The following FMNL3 variants were observed in gnomAD, a reference collection of about 807,000 sequenced individuals.
The protein encoded by FMNL3 is formin-like protein 3.
FMNL3 carries 57 observed loss-of-function variants against 119.6 expected under a neutral mutation model. The observed-to-expected ratio is 0.48, with a 90% CI of 0.39 to 0.59. The LOEUF (loss-of-function observed/expected upper bound fraction) is 0.59, where lower values mean the gene tolerates loss of function less well. FMNL3 is among the 20% of genes least tolerant of loss of function. The probability of loss-of-function intolerance (pLI) is 0.00; values close to 1 mark genes in which losing one functional copy is unlikely to be tolerated. For synonymous variants in FMNL3, 491 were observed against 507.3 expected (o/e 0.97, Z 0.43); for missense variants, 1,053 against 1,323.5 (o/e 0.80, Z 3.17).
chr12:49,641,327 C>CG lies in FMNL3; in HGVS notation c.*4487_*4488insC. 1 of 152,456 alleles carries CG rather than the reference C, an allele frequency of 6.6e-6. No homozygotes were observed. The highest frequency in any genetic ancestry group is 2.4e-5 in the African/African-American group (1 of 41,568). The allele number at this position is 152,456 out of a possible 1,614,324, so 9.4% of individuals were successfully genotyped here. A position where few individuals can be genotyped will look rare whatever the true frequency, so the allele number is the denominator to read the frequency against. ...GACACTTTGGGGATAGAGAGCCCCC[C>CG]CAGGGTAGGGTTCTTGCCCAGCCGT... On this transcript the variant is annotated 3_prime_UTR_variant, in exon 26 of 26. Transcript: ENST00000335154.
chr12:49,645,019 T>A lies in FMNL3; in HGVS notation c.*796A>T, dbSNP rs937326105. ...GGGAGGTGGTACATGTACAAAAAAGTGGGCCCCCACATTCCCTTCCAGGGG... is the reference window on the plus strand; with the variant it reads ...GGGAGGTGGTACATGTACAAAAAAGAGGGCCCCCACATTCCCTTCCAGGGG... On this transcript the variant is annotated 3_prime_UTR_variant, in exon 26 of 26. Coordinates refer to ENST00000335154, the MANE Select transcript of FMNL3 (RefSeq NM_175736.5). The A allele has an allele frequency of 7.2e-6, 1 of 138,700 alleles. No homozygotes were observed. Among genetic ancestry groups the A allele is most frequent in the Admixed American group, 8.1e-5 (1 of 12,324 alleles). The allele number at this position is 138,700 out of a possible 1,614,324, so 8.6% of individuals were successfully genotyped here. A position where few individuals can be genotyped will look rare whatever the true frequency, so the allele number is the denominator to read the frequency against.
intron 1 of FMNL3, among the ~76,000 whole-genome samples, chr12:49,693,461 T>A (rs561915667): frequency 1.3e-5 from 2 of 151,754 alleles, no homozygotes; most frequent in East Asian, 3.9e-4. Context: ...CACTGCAGCC[T>A]CTACCTCCCA....
At chr12:49,688,594 T>C (rs545115654) in intron 1 of FMNL3, 2 of 450,942 alleles carry the variant, frequency 4.4e-6, no homozygotes, top group East Asian at 1.4e-4. Context: ...GATCTTTATA[T>C]ATAGCTATGA....
At position 49,644,310 on chromosome 12, in the gene FMNL3, C is replaced by A. The variant is rs575702827; in HGVS notation, c.*1505G>T. 20 of 1,150,612 alleles carry A rather than the reference C, an allele frequency of 1.7e-5. No individual in the cohort carries two copies. The African/African-American group carries it at 2.9e-4, about 17-fold the overall frequency. 71.3% of individuals were successfully genotyped at this position (1,150,612 alleles called of 1,614,324 possible). A position where few individuals can be genotyped will look rare whatever the true frequency, so the allele number is the denominator to read the frequency against. On this transcript the variant is annotated 3_prime_UTR_variant, in exon 26 of 26. Coordinates refer to ENST00000335154, the MANE Select transcript of FMNL3 (RefSeq NM_175736.5). ...CTGTGTCCACTTTTTCTAAAGTAAC[C>A]CCACCCCCAGCACACCATTGTTGGC...
intron 16 of FMNL3, 120 bp from the exon 17 acceptor site, chr12:49,650,998 C>T (rs1396182603): frequency 3.4e-6 from 5 of 1,478,642 alleles, no homozygotes; most frequent in Non-Finnish European, 2.8e-6. Context: ...TGAATACAAA[C>T]ACAAAGTGTT....
chr12:49,669,356 T>C (rs1282191326), intron 1 of FMNL3, among the ~76,000 whole-genome samples: 3 of 152,226 alleles, frequency 2.0e-5, no homozygotes, highest in African/African-American at 4.8e-5. Context: ...TTTATCTTGT[T>C]CACCACTGTT....
chr12:49,642,723 T>C lies in FMNL3; in HGVS notation c.*3092A>G, dbSNP rs1312781413. 1.3e-6 allele frequency: 2 copies of C among 1,575,436 alleles called. No homozygotes were observed. The highest frequency in any genetic ancestry group is 2.3e-5 in the South Asian group (2 of 87,554). On this transcript the variant is annotated 3_prime_UTR_variant, in exon 26 of 26. Transcript: ENST00000335154. The surrounding 1 kb of genome is among the most constrained non-coding windows in gnomAD (Gnocchi z 5.8). ...ATCTGCCTCAGGCCCTTGAACTCAT[T>C]AGACCAGTTCAACAGAGACCTCAGT...
chr12:49,653,604 C>G, intron 12 of FMNL3, 121 bp downstream of exon 12: 1 of 1,403,712 alleles, frequency 7.1e-7, no homozygotes, highest in Non-Finnish European at 9.8e-7. Flanking sequence ...CTCTTGAGAG[C>G]CCTGGTGGGT....
chr12:49,654,289 T>G lies in FMNL3; in HGVS notation c.974A>C (p.Gln325Pro), dbSNP rs759278933. 1 of 1,613,594 alleles carries G rather than the reference T, an allele frequency of 6.2e-7. No individual in the cohort carries two copies. Among genetic ancestry groups the G allele is most frequent in the Non-Finnish European group, 8.5e-7 (1 of 1,179,770 alleles). ...SNIDFMVACM[Q>P]FINIVVHSVE... is the part of the protein sequence containing the mutation. ...CGAGTGCACCACGATGTTGATGAACTGCATGCAGGCCACCTGAAGAAGAGG... is the reference window on the plus strand; with the variant it reads ...CGAGTGCACCACGATGTTGATGAACGGCATGCAGGCCACCTGAAGAAGAGG... Residue 325 changes from glutamine to proline, a missense_variant, in exon 11 of 26, where the codon CAG becomes CCG. By Grantham distance (76) the Gln-to-Pro change is moderately conservative (BLOSUM62 -1). Coordinates refer to ENST00000335154, the MANE Select transcript of FMNL3 (RefSeq NM_175736.5).
chr12:49,704,217 CAA>C (rs1944983285), intron 1 of FMNL3, among the ~76,000 whole-genome samples: 1 of 152,056 alleles, frequency 6.6e-6, no homozygotes, highest in African/African-American at 2.4e-5. Context: ...CTCTTCTAAC[CAA>C]AGACTATGGA....
chr12:49,676,753 T>C (rs886135105), intron 1 of FMNL3, among the ~76,000 whole-genome samples: 19 of 152,166 alleles, frequency 1.2e-4, no homozygotes, highest in African/African-American at 4.6e-4. Context: ...TCCTTACTAT[T>C]TCTGAGTTCT....
chr12:49,652,771 CA>C (rs1565869828), intron 13 of FMNL3, among the ~76,000 whole-genome samples: 1 of 152,116 alleles, frequency 6.6e-6, no homozygotes, highest in African/African-American at 2.4e-5. Flanking sequence ...TTATAATGAA[CA>C]AAAAGTCAGG....
chr12:49,674,923 G>T (rs1471050035), intron 1 of FMNL3, among the ~76,000 whole-genome samples: 1 of 152,208 alleles, frequency 6.6e-6, no homozygotes, highest in East Asian at 1.9e-4. Flanking sequence ...GTCAGATGAA[G>T]GAGAGGTCCT....
At chr12:49,677,278 A>G (rs1944215843) in intron 1 of FMNL3, among the ~76,000 whole-genome samples, 1 of 152,198 alleles carries the variant, frequency 6.6e-6, no homozygotes, top group African/African-American at 2.4e-5. Context: ...TTGGACAATC[A>G]ATATATATGT....
Position 49,653,802 on chromosome 12 carries a change from C to T in FMNL3, c.1144G>A (p.Gly382Arg), listed in dbSNP as rs1257215634. Residue 382 changes from glycine to arginine, a missense_variant, in exon 12 of 26, where the codon GGG becomes AGG. By Grantham distance (125) the Gly-to-Arg change is moderately radical. This residue lies in a region of FMNL3 where 445 missense variants were observed against 628.4 expected (regional missense o/e 0.71). Coordinates refer to ENST00000335154, the MANE Select transcript of FMNL3 (RefSeq NM_175736.5). ...QAYLDNVFDV[G>R]GLLEDAETKN... ...GTCTCAGCATCCTCCAACAAACCCC[C>T]GACATCAAACACGTTGTCCAGATAT... 3 of 1,614,240 alleles carry T rather than the reference C, an allele frequency of 1.9e-6. No homozygotes were observed. Among genetic ancestry groups the T allele is most frequent in the Admixed American group, 1.7e-5 (1 of 60,020 alleles).
At chr12:49,665,630 G>A (rs1943868946) in intron 4 of FMNL3, among the ~76,000 whole-genome samples, 1 of 152,204 alleles carries the variant, frequency 6.6e-6, no homozygotes, top group African/African-American at 2.4e-5. Context: ...CATCTAGTCA[G>A]CAGCTGGCAG....
At chr12:49,689,516 G>T (rs1310669383) in intron 1 of FMNL3, among the ~76,000 whole-genome samples, 1 of 152,016 alleles carries the variant, frequency 6.6e-6, no homozygotes. Context: ...GGCAGATATG[G>T]CTTGAGCCCA....
rs761641294 is a variant in FMNL3 at position 49,649,515 on chromosome 12, C to T, written c.2259G>A (p.Ala753=). 12 of 1,614,152 alleles carry T rather than the reference C, an allele frequency of 7.4e-6. No homozygotes were observed. Among genetic ancestry groups the T allele is most frequent in the South Asian group, 5.5e-5 (5 of 91,080 alleles). Residue 753 remains alanine (A), a synonymous_variant, in exon 19 of 26, where the codon GCG becomes GCA. Transcript: ENST00000335154. The surrounding 1 kb of genome is among the most constrained non-coding windows in gnomAD (Gnocchi z 5.6). The stretch of plus-strand genomic sequence containing the variant: ...TCTGTGAAGACTTGACGGAAGCGGA[C>T]GCCGCAATGATGGCATTGAGTTGCT... The part of the protein sequence containing the change: ...LTPQLNAIIA[A]SASVKSSQKL...
chr12:49,640,967 G>T lies in FMNL3; in HGVS notation c.*4848C>A, dbSNP rs542459954. On this transcript the variant is annotated 3_prime_UTR_variant, in exon 26 of 26. Coordinates refer to ENST00000335154, the MANE Select transcript of FMNL3 (RefSeq NM_175736.5). ...TAGCAGGGTTGAGGAAGTACCCTTG[G>T]AAAGAAGAAAGAGGAGCACACCTCT... The T allele has an allele frequency of 3.7e-4, 57 of 152,328 alleles. No homozygotes were observed. Among genetic ancestry groups the T allele is most frequent in the African/African-American group, 1.3e-3 (55 of 41,558 alleles). 9.4% of individuals were successfully genotyped at this position (152,328 alleles called of 1,614,324 possible).
Sources: allele counts gnomAD v4.1 joint callset (sites outside exome capture counted in the v4.1 genomes callset), GRCh38; gene constraint gnomAD v4.1.1; regional missense constraint gnomAD v4.1.1; non-coding constraint Gnocchi (gnomAD v3.1); transcripts MANE v1.5; gene names NCBI Gene and HGNC (gene_info 2026-07-23, HGNC 2026-07-21).